The following FSTL5 variants were observed in gnomAD, a reference collection of about 807,000 sequenced individuals.
The protein encoded by FSTL5 is follistatin-related protein 5.
Under a neutral mutation model 89.1 loss-of-function variants are expected in FSTL5, and 62 were observed. The ratio of observed to expected loss-of-function variants is 0.70; its 90% CI spans 0.57 to 0.86. The LOEUF (loss-of-function observed/expected upper bound fraction) is 0.86. FSTL5 is among the 40% of genes least tolerant of loss of function. FSTL5 has a pLI of 0.00. For synonymous variants in FSTL5, 383 were observed against 346.2 expected, an observed-to-expected ratio of 1.11 and a Z score of -1.18; for missense variants, 1,057 against 1,001.6, an observed-to-expected ratio of 1.06 and a Z score of -0.75.
chr4:161,963,588 T>C (rs1227442886), intron 3 of FSTL5, among the ~76,000 whole-genome samples: 2 of 152,002 alleles, frequency 1.3e-5, no homozygotes, highest in African/African-American at 2.4e-5. Flanking sequence ...TTCTTTAACC[T>C]GTATGCTTCT....
chr4:161,592,382 C>T (rs931902012), intron 7 of FSTL5, among the ~76,000 whole-genome samples: 5 of 152,012 alleles, frequency 3.3e-5, no homozygotes, highest in Admixed American at 2.6e-4. Flanking sequence ...CCCATCAACT[C>T]GTCATCTACA....
At chr4:161,483,214 G>T (rs562015759) in intron 12 of FSTL5, among the ~76,000 whole-genome samples, 79 of 152,310 alleles carry the variant, frequency 5.2e-4, no homozygotes, top group African/African-American at 1.8e-3. Context: ...TCAAGGACAA[G>T]AATCTATTTT....
chr4:161,431,870 A>G (rs1207344573), intron 15 of FSTL5, among the ~76,000 whole-genome samples: 1 of 152,162 alleles, frequency 6.6e-6, no homozygotes, highest in Non-Finnish European at 1.5e-5. Context: ...AAGGCAAAGA[A>G]GATTATTATA....
Position 161,920,603 on chromosome 4 carries a change from A to T in FSTL5, c.210T>A (p.Cys70Ter). The T allele has an allele frequency of 1.9e-6, 3 of 1,613,894 alleles. No individual in the cohort carries two copies. Among genetic ancestry groups the T allele is most frequent in the Non-Finnish European group, 2.5e-6 (3 of 1,179,914 alleles). ...GPFGSCENKY[C>*]GLGRHCVTSR... ...TGGTAACACAGTGTCTTCCCAAACC[A>T]CAGTACTTATTTTCACAAGATCCAA... Residue 70 changes from cysteine (C) to a stop codon, truncating the protein, a stop_gained, in exon 4 of 16, where the codon TGT (cysteine) becomes TGA (stop). Transcript: ENST00000306100. LOFTEE classifies it high-confidence loss of function.
chr4:161,390,335 G>A (rs1422099633), intron 15 of FSTL5, among the ~76,000 whole-genome samples: 1 of 152,158 alleles, frequency 6.6e-6, no homozygotes, highest in Admixed American at 6.6e-5. Flanking sequence ...AGAGGTTGCA[G>A]TCAGCATTTA....
chr4:161,535,909 A>G (rs1200986723), intron 10 of FSTL5, among the ~76,000 whole-genome samples: 2 of 152,152 alleles, frequency 1.3e-5, no homozygotes, highest in Non-Finnish European at 2.9e-5. Context: ...CTCAGCCATA[A>G]AGAAGAATGA....
chr4:161,544,477 G>A (rs1374835156), intron 8 of FSTL5, among the ~76,000 whole-genome samples: 1 of 151,940 alleles, frequency 6.6e-6, no homozygotes, highest in East Asian at 1.9e-4. Flanking sequence ...AGGGACTGAG[G>A]AAATGGAGGA....
At chr4:161,890,803 G>A (rs1732963900) in intron 4 of FSTL5, among the ~76,000 whole-genome samples, 3 of 151,698 alleles carry the variant, frequency 2.0e-5, no homozygotes, top group Non-Finnish European at 4.4e-5. Context: ...ATAAAATTCA[G>A]TTAATGAAAA....
At chr4:161,506,201 T>G (rs1346291560) in intron 11 of FSTL5, among the ~76,000 whole-genome samples, 2 of 150,662 alleles carry the variant, frequency 1.3e-5, no homozygotes, top group Non-Finnish European at 2.9e-5. Context: ...TCTGAGTAGC[T>G]GGGATTACAG....
chr4:161,829,159 A>ATATATATG (rs1203481921), intron 4 of FSTL5, among the ~76,000 whole-genome samples: 1 of 147,104 alleles, frequency 6.8e-6, no homozygotes, highest in African/African-American at 2.5e-5. Flanking sequence ...ATATATATAT[A>ATATATATG]TATGTACACA....
At chr4:161,834,454 C>A (rs570735913) in intron 4 of FSTL5, among the ~76,000 whole-genome samples, 17 of 151,838 alleles carry the variant, frequency 1.1e-4, no homozygotes, top group Admixed American at 2.0e-4. Context: ...CTGGCCAGGG[C>A]GATTAGGCAG....
At chr4:161,506,538 A>C (rs776656983) in intron 11 of FSTL5, among the ~76,000 whole-genome samples, 15 of 152,136 alleles carry the variant, frequency 9.9e-5, no homozygotes, top group Admixed American at 9.2e-4. Flanking sequence ...TGAGCAGTAT[A>C]CACTGAACCC....
chr4:161,465,698 A>G (rs1367380109), intron 13 of FSTL5, among the ~76,000 whole-genome samples: 1 of 152,298 alleles, frequency 6.6e-6, no homozygotes, highest in East Asian at 1.9e-4. Context: ...CCCCCATCAT[A>G]ATAGAACAAA....
At chr4:161,779,631 TC>T (rs1230733475) in intron 4 of FSTL5, among the ~76,000 whole-genome samples, 1 of 151,396 alleles carries the variant, frequency 6.6e-6, no homozygotes, top group Non-Finnish European at 1.5e-5. Flanking sequence ...GTGCCATATC[TC>T]CCTTTTATCC....
At chr4:162,025,334 T>G (rs1737240442) in intron 3 of FSTL5, among the ~76,000 whole-genome samples, 1 of 152,202 alleles carries the variant, frequency 6.6e-6, no homozygotes, top group South Asian at 2.1e-4. Context: ...CTATCATGGA[T>G]GTACTTAAAA....
At chr4:161,842,649 A>G (rs1357403354) in intron 4 of FSTL5, among the ~76,000 whole-genome samples, 2 of 152,094 alleles carry the variant, frequency 1.3e-5, no homozygotes, top group African/African-American at 2.4e-5. Flanking sequence ...TCAAAATGTC[A>G]TCCTGTCAAA....
At chr4:161,679,500 C>T (rs1242152595) in intron 6 of FSTL5, among the ~76,000 whole-genome samples, 1 of 151,746 alleles carries the variant, frequency 6.6e-6, no homozygotes, top group Non-Finnish European at 1.5e-5. Context: ...CTTGCCACTC[C>T]AGCCGCATGA....
At chr4:161,971,395 C>A (rs900462888) in intron 3 of FSTL5, among the ~76,000 whole-genome samples, 2 of 152,090 alleles carry the variant, frequency 1.3e-5, no homozygotes, top group Non-Finnish European at 1.5e-5. Flanking sequence ...AATTCAAACA[C>A]ATTTCATTTA....
chr4:162,097,585 G>A (rs1182972785), intron 2 of FSTL5, among the ~76,000 whole-genome samples: 1 of 151,646 alleles, frequency 6.6e-6, no homozygotes, highest in East Asian at 1.9e-4. Context: ...TATATACTTT[G>A]TAGTATTAAT....
Sources: gnomAD v4.1 joint callset for allele counts (sites outside exome capture counted in the v4.1 genomes callset) on GRCh38, gnomAD v4.1.1 for gene constraint, MANE v1.5 for transcripts, NCBI Gene and HGNC (gene_info 2026-07-23, HGNC 2026-07-21) for gene names.